ALDH4A1: variants seen among roughly 807,000 people sequenced by gnomAD.
ALDH4A1 encodes the protein delta-1-pyrroline-5-carboxylate dehydrogenase, mitochondrial.
In ALDH4A1, 46 loss-of-function variants were observed where a neutral mutation model predicts 70.5. That is an observed-to-expected ratio of 0.65 (90% confidence interval 0.51 to 0.83). The LOEUF (loss-of-function observed/expected upper bound fraction) is 0.83. Among genes scored for constraint, ALDH4A1 ranks in the 40% least tolerant of loss-of-function variants. The pLI, the probability that ALDH4A1 is intolerant of heterozygous loss-of-function variation, is 0.00. For synonymous variants in ALDH4A1, 323 were observed against 324.3 expected (o/e 1.00, Z 0.04); for missense variants, 749 against 766.5 (o/e 0.98, Z 0.27).
intron 3 of ALDH4A1, among the ~76,000 whole-genome samples, chr1:18,888,088 A>C (rs923171443): frequency 6.6e-6 from 1 of 152,240 alleles, no homozygotes; most frequent in African/African-American, 2.4e-5. Flanking sequence ...GCCACGAGCC[A>C]CATTTCACAT....
chr1:18,882,390 T>G (rs1935014462), intron 7 of ALDH4A1, among the ~76,000 whole-genome samples: 1 of 152,128 alleles, frequency 6.6e-6, no homozygotes, highest in South Asian at 2.1e-4. Flanking sequence ...TGTCTGGGGC[T>G]CGGGGTTCCC....
chr1:18,879,541 G>A (rs760052736), intron 8 of ALDH4A1, among the ~76,000 whole-genome samples, 168 bp from the exon 9 acceptor site: 6 of 152,284 alleles, frequency 3.9e-5, no homozygotes, highest in South Asian at 2.1e-4. Flanking sequence ...AGCGGGCAAC[G>A]GGGGGCTAGG....
chr1:18,901,325 T>C (rs575671853), intron 1 of ALDH4A1, among the ~76,000 whole-genome samples: 13 of 152,288 alleles, frequency 8.5e-5, no homozygotes, highest in Admixed American at 3.3e-4. Context: ...AGCACCACCA[T>C]GCCATCCCTT....
Position 18,885,630 on chromosome 1 carries a change from T to C in ALDH4A1, c.298-2A>G, listed in dbSNP as rs1163002102. ...CTCAATGGCTTTGTTGAGCAGGCTC[T>C]AAAGGGAGAGGGAGAGGTTGGGGAC... On this transcript the variant is annotated splice_acceptor_variant, in intron 4 of 14. Coordinates refer to ENST00000375341, the MANE Select transcript of ALDH4A1 (RefSeq NM_003748.4). LOFTEE classifies it high-confidence loss of function. The C allele has an allele frequency of 2.5e-6, 4 of 1,613,728 alleles. No individual in the cohort carries two copies. The highest frequency in any genetic ancestry group is 3.4e-6 in the Non-Finnish European group (4 of 1,179,988).
intron 5 of ALDH4A1, among the ~76,000 whole-genome samples, chr1:18,884,778 T>C (rs1249575794): frequency 6.6e-6 from 1 of 152,218 alleles, no homozygotes; most frequent in Non-Finnish European, 1.5e-5. Flanking sequence ...GGAATAGTCC[T>C]TTCGGCTGGA....
In ALDH4A1 at chr1:18,902,524, C is replaced by A; in HGVS notation, c.-1G>T. 6.7e-7 allele frequency: 1 copy of A among 1,486,464 alleles called. No homozygotes were observed. The highest frequency in any genetic ancestry group is 1.3e-5 in the South Asian group (1 of 78,506). The allele number at this position is 1,486,464 out of a possible 1,614,324, so 92.1% of individuals were successfully genotyped here. A position where few individuals can be genotyped will look rare whatever the true frequency, so the allele number is the denominator to read the frequency against. On this transcript the variant is annotated 5_prime_UTR_variant, in exon 1 of 15. Transcript: ENST00000375341. ...GGAGCGCGGGCGCCGGCAGCAGCAT[C>A]TCGGGTTAGAAGCGGGGCTGTTCGC...
At chr1:18,899,294 A>G (rs759672310) in intron 1 of ALDH4A1, among the ~76,000 whole-genome samples, 1 of 152,252 alleles carries the variant, frequency 6.6e-6, no homozygotes, top group Non-Finnish European at 1.5e-5. Flanking sequence ...TTAAACCATC[A>G]GGTAGCCTGA....
intron 13 of ALDH4A1, among the ~76,000 whole-genome samples, chr1:18,875,102 C>T (rs1474769175): frequency 1.3e-5 from 2 of 152,368 alleles, no homozygotes; most frequent in Middle Eastern, 3.4e-3. Context: ...CCAGATCCCG[C>T]AGAGCCAGTC....
intron 5 of ALDH4A1, 101 bp downstream of exon 5, chr1:18,885,372 A>G (rs77024177): frequency 0.042 from 52,728 of 1,265,428 alleles, 1,819 homozygotes; most frequent in African/African-American, 0.17. Flanking sequence ...AAAAGGGCTT[A>G]GGACCCAGAA....
intron 1 of ALDH4A1, among the ~76,000 whole-genome samples, chr1:18,900,173 A>AT (rs1226964535): frequency 3.3e-5 from 5 of 152,172 alleles, no homozygotes; most frequent in Non-Finnish European, 7.4e-5. Flanking sequence ...TATCAAGGGT[A>AT]TTTTTTAAAA....
At position 18,872,925 on chromosome 1, in the gene ALDH4A1, T is replaced by G. The variant is rs112222395; in HGVS notation, c.1612A>C (p.Ile538Leu). 3 of 1,613,966 alleles carry G rather than the reference T, an allele frequency of 1.9e-6. No homozygotes were observed. In the Middle Eastern group the frequency reaches 5.0e-4, roughly 266 times the overall value. The change falls in exon 15 of 15, where the codon ATC becomes CTC. Residue 538 changes from isoleucine to leucine, a missense_variant. Physicochemically the swap from Ile to Leu is conservative, Grantham distance 5. Coordinates refer to ENST00000375341, the MANE Select transcript of ALDH4A1 (RefSeq NM_003748.4). ...ACCTGCGGCGACGTCCAGCGCAGGA[T>G]GTAGTGTGGGCCCCCTGGCTTGTCA... The part of the protein sequence containing the change: ...TNDKPGGPHY[I>L]LRWTSPQVIK...
At chr1:18,874,070 C>A (rs185698674) in intron 14 of ALDH4A1, among the ~76,000 whole-genome samples, 1 of 152,358 alleles carries the variant, frequency 6.6e-6, no homozygotes, top group East Asian at 1.9e-4. Context: ...AACCCCAGCA[C>A]GCCTGGGTTC....
Position 18,872,710 on chromosome 1 carries a change from A to G in ALDH4A1, c.*135T>C. 1 of 702,014 alleles carries G rather than the reference A, an allele frequency of 1.4e-6. No individual in the cohort carries two copies. 43.5% of individuals were successfully genotyped at this position (702,014 alleles called of 1,614,324 possible). On this transcript the variant is annotated 3_prime_UTR_variant, in exon 15 of 15. Coordinates refer to ENST00000375341, the MANE Select transcript of ALDH4A1 (RefSeq NM_003748.4). ...ATGGGAGAGGCCAGAATACAGTGGT[A>G]AGAAGGGAGTCAAGCCCGGATTATA...
intron 3 of ALDH4A1, 131 bp downstream of exon 3, chr1:18,889,231 A>C: frequency 1.2e-6 from 1 of 809,724 alleles, no homozygotes; most frequent in South Asian, 1.6e-5. Flanking sequence ...CAGAATTCAA[A>C]ATCTGGGGTG....
chr1:18,889,048 G>A (rs78551322), intron 3 of ALDH4A1, among the ~76,000 whole-genome samples: 3,661 of 152,278 alleles, frequency 0.024, 136 homozygotes, highest in African/African-American at 0.076. Flanking sequence ...CTCGGGGCCC[G>A]GGGCCCAGCT....
In ALDH4A1 at chr1:18,877,247, C is replaced by T. The variant is rs767120058; in HGVS notation, c.1146G>A (p.Glu382=). ...HSRIKVGDPA[E]DFGTFFSAVI... is the part of the protein sequence containing the mutation. ...CTGCAGAGAAGAAGGTCCCAAAATC[C>T]TCTGCAGGCTGGAGGCAAGGGAGGC... Residue 382 remains glutamate, a synonymous_variant, in exon 11 of 15, where the codon GAG becomes GAA. Coordinates refer to ENST00000375341, the MANE Select transcript of ALDH4A1 (RefSeq NM_003748.4). 5 of 1,606,566 alleles carry T rather than the reference C, an allele frequency of 3.1e-6. No homozygotes were observed. Among genetic ancestry groups the T allele is most frequent in the Admixed American group, 3.4e-5 (2 of 59,532 alleles).
At chr1:18,876,721 CG>C (rs1251822223) in intron 11 of ALDH4A1, among the ~76,000 whole-genome samples, 2 of 127,148 alleles carry the variant, frequency 1.6e-5, no homozygotes, top group Non-Finnish European at 3.5e-5. Context: ...CAGGTGCACT[CG>C]CATATAAACA....
At chr1:18,875,248 G>C in intron 13 of ALDH4A1, 134 bp downstream of exon 13, 1 of 1,459,216 alleles carries the variant, frequency 6.9e-7, no homozygotes, top group Non-Finnish European at 9.5e-7. Flanking sequence ...CTGGCTGCCT[G>C]TCTGGGCTGA....
chr1:18,898,361 G>A lies in ALDH4A1; in HGVS notation c.62+4101C>T, dbSNP rs998045640. The stretch of plus-strand genomic sequence containing the variant: ...AAACAAACCAACAATAATAACAGAA[G>A]AGGTTTGGCATCTGGGGTACTTAAT... On this transcript the variant is annotated intron_variant, in intron 1 of 14. Coordinates refer to ENST00000375341, the MANE Select transcript of ALDH4A1 (RefSeq NM_003748.4). The surrounding 1 kb of genome is among the most constrained non-coding windows in gnomAD (Gnocchi z 4.3). 3.9e-5 allele frequency among the ~76,000 whole-genome samples: 6 copies of A among 152,082 alleles called. No homozygotes were observed. Among genetic ancestry groups the A allele is most frequent in the African/African-American group, 1.4e-4 (6 of 41,404 alleles).
Sources: allele counts gnomAD v4.1 joint callset (sites outside exome capture counted in the v4.1 genomes callset), GRCh38; gene constraint gnomAD v4.1.1; non-coding constraint Gnocchi (gnomAD v3.1); transcripts MANE v1.5; gene names NCBI Gene and HGNC (gene_info 2026-07-23, HGNC 2026-07-21).